PCBP3: variants seen among roughly 807,000 people sequenced by gnomAD.
The protein encoded by PCBP3 is poly(rC)-binding protein 3.
Under a neutral mutation model 52.7 loss-of-function variants are expected in PCBP3, and 25 were observed. The observed-to-expected ratio is 0.47, with a 90% CI of 0.35 to 0.66. The LOEUF is 0.66. PCBP3 is among the 30% of genes least tolerant of loss of function. The pLI, the probability that PCBP3 is intolerant of heterozygous loss-of-function variation, is 0.01. For synonymous variants in PCBP3, 162 were observed against 183.0 expected, an observed-to-expected ratio of 0.89 and a Z score of 0.93; for missense variants, 391 against 490.3, an observed-to-expected ratio of 0.80 and a Z score of 1.91.
intron 2 of PCBP3, among the ~76,000 whole-genome samples, chr21:45,703,386 G>A (rs530378461): frequency 3.9e-5 from 6 of 152,336 alleles, no homozygotes; most frequent in East Asian, 3.9e-4. Context: ...TCCTTGACCC[G>A]TGTCTTGCAG....
In PCBP3 at chr21:45,741,956, T is replaced by C. The variant is rs1385616879; in HGVS notation, c.-162+6527T>C. Among the ~76,000 whole-genome samples, 2 of 152,212 alleles carry C rather than the reference T, an allele frequency of 1.3e-5. No homozygotes were observed. Among genetic ancestry groups the C allele is most frequent in the Non-Finnish European group, 2.9e-5 (2 of 68,032 alleles). On this transcript the variant is annotated intron_variant, in intron 3 of 17. Transcript: ENST00000681687. The surrounding 1 kb of genome is among the most constrained non-coding windows in gnomAD (Gnocchi z 4.5). Reference sequence around the variant, plus strand: ...CAGTCCAGACTGTCTGCCTCAGGCATTCAGTACACACTTTCGTGCCCTGCT... The same window carrying C: ...CAGTCCAGACTGTCTGCCTCAGGCACTCAGTACACACTTTCGTGCCCTGCT...
chr21:45,723,854 C>T (rs1047439872), intron 2 of PCBP3, among the ~76,000 whole-genome samples: 1 of 152,142 alleles, frequency 6.6e-6, no homozygotes, highest in Admixed American at 6.5e-5. Context: ...CACCTGCTGA[C>T]TGCTTCCTTC....
chr21:45,893,123 G>A (rs571118586), intron 5 of PCBP3, among the ~76,000 whole-genome samples: 6 of 152,236 alleles, frequency 3.9e-5, no homozygotes, highest in African/African-American at 1.2e-4. Flanking sequence ...AGAAGTGCCG[G>A]GGGCTTTTAC....
intron 4 of PCBP3, among the ~76,000 whole-genome samples, chr21:45,815,095 GA>G (rs2092851261): frequency 5.2e-4 from 2 of 3,856 alleles, no homozygotes; most frequent in Admixed American, 2.0e-3. Flanking sequence ...GGTGAGTGAT[GA>G]GTGAGTGGTG....
chr21:45,909,768 C>CG (rs1220706058), intron 10 of PCBP3, among the ~76,000 whole-genome samples: 1 of 101,394 alleles, frequency 9.9e-6, no homozygotes. Flanking sequence ...ACGGACCCCC[C>CG]CCACCCACTG....
chr21:45,700,931 A>T (rs1341948043), intron 2 of PCBP3, among the ~76,000 whole-genome samples: 1 of 152,182 alleles, frequency 6.6e-6, no homozygotes, highest in African/African-American at 2.4e-5. Flanking sequence ...AAAAACCCTT[A>T]GGAGCGAAAA....
intron 4 of PCBP3, among the ~76,000 whole-genome samples, chr21:45,778,171 A>G (rs1338780902): frequency 6.6e-6 from 1 of 152,146 alleles, no homozygotes; most frequent in Non-Finnish European, 1.5e-5. Flanking sequence ...TCTGTATGAT[A>G]TCTTTGTCTG....
intron 4 of PCBP3, among the ~76,000 whole-genome samples, chr21:45,822,748 C>T (rs1407568211): frequency 1.3e-5 from 2 of 151,904 alleles, no homozygotes; most frequent in Non-Finnish European, 2.9e-5. Context: ...AGGACACACC[C>T]ATCTTGGTTG....
chr21:45,701,326 A>G (rs1190138838), intron 2 of PCBP3, among the ~76,000 whole-genome samples: 1 of 152,104 alleles, frequency 6.6e-6, no homozygotes, highest in African/African-American at 2.4e-5. Context: ...CTTCACCAAA[A>G]CCACTTGTGT....
intron 3 of PCBP3, chr21:45,744,133 C>T (rs141130711): frequency 1.4e-5 from 2 of 148,078 alleles, no homozygotes; most frequent in East Asian, 2.0e-4. Context: ...TATATATATA[C>T]ATATGTATGT....
At chr21:45,809,898 C>CCTGT (rs1475668430) in intron 4 of PCBP3, among the ~76,000 whole-genome samples, 1 of 152,174 alleles carries the variant, frequency 6.6e-6, no homozygotes, top group Non-Finnish European at 1.5e-5. Context: ...GGACATCACC[C>CCTGT]CTGTGATTAT....
chr21:45,925,707 C>T (rs1388667162), intron 13 of PCBP3, among the ~76,000 whole-genome samples: 4 of 151,866 alleles, frequency 2.6e-5, no homozygotes, highest in Non-Finnish European at 5.9e-5. Context: ...GGGAAAAAAA[C>T]AAGACTTTAA....
chr21:45,826,622 A>C (rs1425676709), intron 4 of PCBP3, among the ~76,000 whole-genome samples: 1 of 152,138 alleles, frequency 6.6e-6, no homozygotes, highest in Non-Finnish European at 1.5e-5. Flanking sequence ...TGCATAAAAG[A>C]TTCTGAAAGG....
intron 2 of PCBP3, among the ~76,000 whole-genome samples, chr21:45,679,205 C>G (rs1603246094): frequency 6.6e-6 from 1 of 151,356 alleles, no homozygotes. Context: ...ACTGCAACCT[C>G]TGCCTCCTGG....
At chr21:45,713,067 T>A (rs2083955592) in intron 2 of PCBP3, among the ~76,000 whole-genome samples, 1 of 152,162 alleles carries the variant, frequency 6.6e-6, no homozygotes. Flanking sequence ...GAACTATTAA[T>A]GCCTTTGCAG....
At chr21:45,740,583 C>T (rs562922590) in intron 3 of PCBP3, among the ~76,000 whole-genome samples, 52 of 150,856 alleles carry the variant, frequency 3.4e-4, no homozygotes, top group Admixed American at 2.2e-3. Flanking sequence ...CTGAGAGGTG[C>T]GTGTGTGTGT....
intron 5 of PCBP3, among the ~76,000 whole-genome samples, chr21:45,884,050 C>A (rs184875700): frequency 9.2e-5 from 14 of 152,174 alleles, no homozygotes; most frequent in African/African-American, 3.1e-4. Flanking sequence ...CCCCCCACCC[C>A]AGCCTCTCAA....
At chr21:45,669,825 A>C (rs1298248234) in intron 2 of PCBP3, among the ~76,000 whole-genome samples, 3 of 128,106 alleles carry the variant, frequency 2.3e-5, no homozygotes, top group African/African-American at 8.3e-5. Context: ...ATATATATAT[A>C]TATATATATA....
At chr21:45,826,603 T>A (rs1402296206) in intron 4 of PCBP3, among the ~76,000 whole-genome samples, 1 of 152,074 alleles carries the variant, frequency 6.6e-6, no homozygotes, top group Admixed American at 6.6e-5. Flanking sequence ...GGGTATTTTA[T>A]ATAAAACATG....
Sources: allele counts gnomAD v4.1 joint callset (sites outside exome capture counted in the v4.1 genomes callset), GRCh38; gene constraint gnomAD v4.1.1; non-coding constraint Gnocchi (gnomAD v3.1); transcripts MANE v1.5; gene names NCBI Gene and HGNC (gene_info 2026-07-23, HGNC 2026-07-21).